NIPSNAP3B: variants seen among roughly 807,000 people sequenced by gnomAD.
NIPSNAP3B encodes the protein protein NipSnap homolog 3B.
Under a neutral mutation model 31.5 loss-of-function variants are expected in NIPSNAP3B, and 30 were observed. That is an observed-to-expected ratio of 0.95 (90% confidence interval 0.71 to 1.29). The LOEUF is 1.29. NIPSNAP3B is among the 50% of genes most tolerant of loss of function. NIPSNAP3B has a pLI of 0.00. For missense variants in NIPSNAP3B, 269 were observed against 300.7 expected (o/e 0.89, Z 0.78); for synonymous variants, 106 against 107.9 (o/e 0.98, Z 0.11).
chr9:104,788,291 T>G, the NIPSNAP3B span: 1 of 1,293,648 alleles, frequency 7.7e-7, no homozygotes, highest in South Asian at 1.2e-5. Context: ...TGAAAGCAGA[T>G]ACAAAGAACC....
At chr9:104,785,190 A>T in the NIPSNAP3B span, among the ~76,000 whole-genome samples, 679 of 152,264 alleles carry the variant, frequency 4.5e-3, 2 homozygotes, top group Middle Eastern at 0.044. Flanking sequence ...ATTACAGTAA[A>T]TTCTCACAAT....
Position 104,773,022 on chromosome 9 carries a change from T to G in NIPSNAP3B, c.693T>G (p.Val231=), listed in dbSNP as rs149753675. The change falls in exon 6 of 6, where the codon GTT becomes GTG. Residue 231 remains valine (V), a synonymous_variant. Transcript: ENST00000374762. ...TTCGGGAAAGTGTCAACTACCTAGT[T>G]TCTCAGCAGAATATGCTTCTGATTC... The part of the protein sequence containing the change: ...AAVRESVNYL[V]SQQNMLLIPA... 1.1e-4 allele frequency: 176 copies of G among 1,614,154 alleles called. 4 individuals carry two copies. The highest frequency in any genetic ancestry group is 1.0e-3 in the South Asian group (95 of 91,082).
At chr9:104,787,014 GA>G in the NIPSNAP3B span, 1,949 of 1,532,010 alleles carry the variant, frequency 1.3e-3, 3 homozygotes, top group Non-Finnish European at 1.5e-3. Context: ...TTGCTGGGGG[GA>G]AAAAAAATCA....
chr9:104,768,950 G>T lies in NIPSNAP3B; in HGVS notation c.359G>T (p.Arg120Leu). The T allele has an allele frequency of 5.6e-6, 9 of 1,613,806 alleles. No homozygotes were observed. The highest frequency in any genetic ancestry group is 7.6e-6 in the Non-Finnish European group (9 of 1,179,862). The change falls in exon 3 of 6, where the codon CGC becomes CTC. Residue 120 changes from arginine (R) to leucine (L), a missense_variant. Physicochemically the swap from Arg to Leu is moderately radical, Grantham distance 102. Coordinates refer to ENST00000374762, the MANE Select transcript of NIPSNAP3B (RefSeq NM_018376.4). ...QEQSIIPNLA[R>L]IDKQETEITY... ...CAATCTATCATTCCAAATTTGGCTCGCATTGATAAACAAGAGACGGAAATT... is the reference window on the plus strand; with the variant it reads ...CAATCTATCATTCCAAATTTGGCTCTCATTGATAAACAAGAGACGGAAATT...
At chr9:104,771,153 C>G in intron 4 of NIPSNAP3B, 155 bp downstream of exon 4, 1 of 607,334 alleles carries the variant, frequency 1.6e-6, no homozygotes, top group Non-Finnish European at 2.8e-6. Context: ...TATTTTACAT[C>G]TTATTTTTTT....
Position 104,773,009 on chromosome 9 carries a change from T to C in NIPSNAP3B, c.680T>C (p.Val227Ala), listed in dbSNP as rs774759408. ...AATGTTTTTCCAGTTCGGGAAAGTGTCAACTACCTAGTTTCTCAGCAGAAT... is the reference window on the plus strand; with the variant it reads ...AATGTTTTTCCAGTTCGGGAAAGTGCCAACTACCTAGTTTCTCAGCAGAAT... Reference protein sequence around the residue: ...PRVVAAVRESVNYLVSQQNML... With the variant: ...PRVVAAVRESANYLVSQQNML... The change falls in exon 6 of 6, where the codon GTC becomes GCC. Residue 227 changes from valine (V) to alanine (A), a missense_variant. By Grantham distance (64) the Val-to-Ala change is moderately conservative. Coordinates refer to ENST00000374762, the MANE Select transcript of NIPSNAP3B (RefSeq NM_018376.4). 6.2e-6 allele frequency: 10 copies of C among 1,614,150 alleles called. No homozygotes were observed. Among genetic ancestry groups the C allele is most frequent in the Non-Finnish European group, 7.6e-6 (9 of 1,179,976 alleles).
the NIPSNAP3B span, chr9:104,788,301 C>G: frequency 4.2e-6 from 6 of 1,414,496 alleles, no homozygotes; most frequent in South Asian, 7.0e-5. Flanking sequence ...TACAAAGAAC[C>G]AGCATTTTGT....
rs897744170 is a variant in NIPSNAP3B at position 104,776,261 on chromosome 9, C to T, written c.*3188C>T. ...TGCCTCTGCCTGGAATGCTCTTCCC[C>T]AGACATGCATCTGCGTGGATCATTT... On this transcript the variant is annotated 3_prime_UTR_variant, in exon 6 of 6. Transcript: ENST00000374762. Among the ~76,000 whole-genome samples, 1 of 152,172 alleles carries T rather than the reference C, an allele frequency of 6.6e-6. No homozygotes were observed. Among genetic ancestry groups the T allele is most frequent in the African/African-American group, 2.4e-5 (1 of 41,416 alleles).
At chr9:104,765,632 T>A (rs1828073998) in intron 1 of NIPSNAP3B, among the ~76,000 whole-genome samples, 2 of 152,230 alleles carry the variant, frequency 1.3e-5, no homozygotes. Flanking sequence ...TGATATTGCA[T>A]CTGTAATTAG....
At chr9:104,784,108 C>T in the NIPSNAP3B span, 18 of 601,152 alleles carry the variant, frequency 3.0e-5, no homozygotes, top group Admixed American at 6.0e-5. Context: ...GAGAGCCATA[C>T]AAGACATAGG....
chr9:104,785,584 T>C, the NIPSNAP3B span: 3 of 1,614,170 alleles, frequency 1.9e-6, no homozygotes, highest in South Asian at 3.3e-5. Flanking sequence ...TGGACAGGCT[T>C]CAGGTCCGGG....
chr9:104,788,763 C>T, the NIPSNAP3B span, among the ~76,000 whole-genome samples: 1 of 152,308 alleles, frequency 6.6e-6, no homozygotes, highest in East Asian at 1.9e-4. Flanking sequence ...CCTCTACCCT[C>T]CCCAGTCCTT....
intron 1 of NIPSNAP3B, among the ~76,000 whole-genome samples, chr9:104,765,615 T>C (rs1828073617): frequency 6.6e-6 from 1 of 152,248 alleles, no homozygotes; most frequent in Non-Finnish European, 1.5e-5. Flanking sequence ...TAAATGTACA[T>C]ACTTCTTGAT....
chr9:104,784,233 C>G, the NIPSNAP3B span: 5 of 1,582,576 alleles, frequency 3.2e-6, no homozygotes, highest in Non-Finnish European at 4.3e-6. Flanking sequence ...ACTTCTGGCT[C>G]TTTTCTCCAC....
chr9:104,774,064 C>A lies in NIPSNAP3B; in HGVS notation c.*991C>A, dbSNP rs555314314. The A allele has an allele frequency of 1.3e-5, 2 of 152,140 alleles. No individual in the cohort carries two copies. The highest frequency in any genetic ancestry group is 4.8e-5 in the African/African-American group (2 of 41,424). The allele number at this position is 152,140 out of a possible 1,614,324, so 9.4% of individuals were successfully genotyped here. On this transcript the variant is annotated 3_prime_UTR_variant, in exon 6 of 6. Coordinates refer to ENST00000374762, the MANE Select transcript of NIPSNAP3B (RefSeq NM_018376.4). ...TCTTTCATTTCCATTTTACTTGATG[C>A]CTCTACCTACTAAAACTAGATTTGG...
At chr9:104,784,299 G>C in the NIPSNAP3B span, 2 of 1,612,988 alleles carry the variant, frequency 1.2e-6, no homozygotes, top group Non-Finnish European at 8.5e-7. Context: ...CAGCCACCCC[G>C]TATGAACAGG....
chr9:104,772,322 C>T (rs1347928532), intron 4 of NIPSNAP3B, among the ~76,000 whole-genome samples: 1 of 147,170 alleles, frequency 6.8e-6, no homozygotes, highest in Non-Finnish European at 1.5e-5. Flanking sequence ...ATATCATTGA[C>T]ATAGAAAATT....
In NIPSNAP3B at chr9:104,766,416, C is replaced by G. The variant is rs565850921; in HGVS notation, c.152C>G (p.Ala51Gly). The G allele has an allele frequency of 1.2e-6, 2 of 1,613,560 alleles. No homozygotes were observed. Among genetic ancestry groups the G allele is most frequent in the East Asian group, 2.2e-5 (1 of 44,836 alleles). The change falls in exon 2 of 6, where the codon GCG (alanine) becomes GGG (glycine). Residue 51 changes from alanine (A) to glycine (G), a missense_variant. By Grantham distance (60) the Ala-to-Gly change is moderately conservative. Coordinates refer to ENST00000374762, the MANE Select transcript of NIPSNAP3B (RefSeq NM_018376.4). ...TACCTTAAACCTTCAAATATGAATG[C>G]GTTCATGGAAAATCTTAAGAAAAAC... is the stretch of plus-strand genomic sequence containing the variant. ...TYYLKPSNMN[A>G]FMENLKKNIH...
rs746294603 is a variant in NIPSNAP3B, at chr9:104,770,928, T to C, written c.510T>C (p.Asn170=). The C allele has an allele frequency of 8.1e-6, 13 of 1,613,866 alleles. No individual in the cohort carries two copies. The highest frequency in any genetic ancestry group is 5.1e-6 in the Non-Finnish European group (6 of 1,179,862). The part of the protein sequence containing the change: ...LWGDAFERAI[N]AHVNLGYTKV... ...GTGATGCATTTGAAAGAGCAATTAA[T>C]GCCCATGTCAATTTAGGCTACACAA... is the stretch of plus-strand genomic sequence containing the variant. The change falls in exon 4 of 6, where the codon AAT becomes AAC. Residue 170 remains asparagine (N), a synonymous_variant. Transcript: ENST00000374762.
Sources: gnomAD v4.1 joint callset for allele counts (sites outside exome capture counted in the v4.1 genomes callset) on GRCh38, gnomAD v4.1.1 for gene constraint, MANE v1.5 for transcripts, NCBI Gene and HGNC (gene_info 2026-07-23, HGNC 2026-07-21) for gene names.